The following OCA2 variants were observed in gnomAD, a reference collection of about 807,000 sequenced individuals.
OCA2 encodes P protein.
A neutral mutation model predicts 100.2 loss-of-function variants in OCA2; 77 were observed. That is an observed-to-expected ratio of 0.77 (90% CI 0.64 to 0.93). OCA2 has a LOEUF of 0.93. Ranked by LOEUF, OCA2 falls within the 40% of genes least tolerant of loss-of-function variation. The probability of loss-of-function intolerance (pLI) is 0.00; values close to 1 mark genes in which losing one functional copy is unlikely to be tolerated. For synonymous variants in OCA2, 432 were observed against 439.2 expected (o/e 0.98, Z 0.21); for missense variants, 1,062 against 1,089.1 (o/e 0.98, Z 0.35).
intron 1 of OCA2, among the ~76,000 whole-genome samples, chr15:28,083,142 G>A (rs1298550883): frequency 6.6e-6 from 1 of 152,180 alleles, no homozygotes; most frequent in Non-Finnish European, 1.5e-5. Flanking sequence ...TTCACATACA[G>A]TCTTCACAAT....
chr15:27,824,617 T>TATATATATATATATATATATAATATA (rs1020369750), intron 23 of OCA2, among the ~76,000 whole-genome samples: 1 of 130,112 alleles, frequency 7.7e-6, no homozygotes, highest in African/African-American at 3.0e-5. Context: ...TATATATATA[T>TATATATATATATATATATATAATATA]ATATAATATA....
chr15:27,990,056 A>G (rs918523133), intron 10 of OCA2, among the ~76,000 whole-genome samples: 1 of 151,964 alleles, frequency 6.6e-6, no homozygotes, highest in Non-Finnish European at 1.5e-5. Context: ...CCTCTCAGAC[A>G]ACTCTGGGCC....
intron 9 of OCA2, among the ~76,000 whole-genome samples, chr15:27,994,794 A>G (rs912442086): frequency 1.3e-5 from 2 of 152,142 alleles, no homozygotes; most frequent in Non-Finnish European, 2.9e-5. Flanking sequence ...CAAGGAAATT[A>G]TCTAGGGCAT....
At chr15:27,801,026 C>T (rs2033580559) in intron 23 of OCA2, among the ~76,000 whole-genome samples, 1 of 152,038 alleles carries the variant, frequency 6.6e-6, no homozygotes, top group Non-Finnish European at 1.5e-5. Context: ...AACCCCAGAC[C>T]TCAGGGTTTG....
At chr15:27,842,432 A>G (rs949492161) in intron 23 of OCA2, among the ~76,000 whole-genome samples, 2 of 152,260 alleles carry the variant, frequency 1.3e-5, no homozygotes, top group African/African-American at 4.8e-5. Context: ...TGCAATGTGT[A>G]TCACAGGAAG....
intron 23 of OCA2, among the ~76,000 whole-genome samples, chr15:27,781,722 A>C (rs1470724909): frequency 6.6e-6 from 1 of 152,242 alleles, no homozygotes; most frequent in African/African-American, 2.4e-5. Flanking sequence ...AAATACCAGA[A>C]AGTAAATAGC....
chr15:27,889,464 A>G (rs2037366839), intron 19 of OCA2, among the ~76,000 whole-genome samples: 1 of 152,126 alleles, frequency 6.6e-6, no homozygotes, highest in Non-Finnish European at 1.5e-5. Flanking sequence ...ACATGCCAAA[A>G]GGTATGTCTA....
At chr15:27,814,449 G>A (rs2034199283) in intron 23 of OCA2, among the ~76,000 whole-genome samples, 1 of 152,170 alleles carries the variant, frequency 6.6e-6, no homozygotes, top group South Asian at 2.1e-4. Context: ...TTACAAAACA[G>A]CTTTCAATCA....
At chr15:27,983,721 TG>T (rs912117637) in intron 13 of OCA2, among the ~76,000 whole-genome samples, 1 of 151,824 alleles carries the variant, frequency 6.6e-6, no homozygotes, top group Non-Finnish European at 1.5e-5. Context: ...AAACCCTCGG[TG>T]TGGTCAGGTA....
chr15:27,724,492 C>G, the OCA2 span, among the ~76,000 whole-genome samples: 1 of 152,180 alleles, frequency 6.6e-6, no homozygotes, highest in African/African-American at 2.4e-5. Context: ...AAGACCCTAT[C>G]TCCAAATACT....
At chr15:27,943,427 C>G (rs1477087786) in intron 18 of OCA2, among the ~76,000 whole-genome samples, 1 of 152,126 alleles carries the variant, frequency 6.6e-6, no homozygotes, top group Non-Finnish European at 1.5e-5. Context: ...GCTTCTTTGA[C>G]ACATTTGGAG....
rs114461254 is a variant in OCA2, at chr15:28,017,136, G to A, written c.808-950C>T. Among the ~76,000 whole-genome samples the A allele has an allele frequency of 9.8e-3, 1,485 of 152,242 alleles. 22 individuals are homozygous for A. Among genetic ancestry groups the A allele is most frequent in the African/African-American group, 0.034 (1,408 of 41,528 alleles). ...AAATCACAAAGGACACTGAAAATAG[G>A]ATCTCTGAAACCGGTCAAAGCAAAG... On this transcript the variant is annotated intron_variant, in intron 7 of 23. Transcript: ENST00000354638.
intron 19 of OCA2, among the ~76,000 whole-genome samples, chr15:27,891,425 A>G (rs1459841883): frequency 1.3e-5 from 2 of 152,254 alleles, no homozygotes; most frequent in East Asian, 3.8e-4. Flanking sequence ...GAGAAAATAA[A>G]TACAGTAATC....
chr15:27,812,303 CA>C (rs2034110101), intron 23 of OCA2, among the ~76,000 whole-genome samples: 1 of 152,082 alleles, frequency 6.6e-6, no homozygotes, highest in South Asian at 2.1e-4. Flanking sequence ...AAGTGGTTTC[CA>C]AAAGAAAAAT....
chr15:28,096,821 C>T (rs954154045), intron 1 of OCA2, among the ~76,000 whole-genome samples: 2 of 151,874 alleles, frequency 1.3e-5, no homozygotes, highest in Non-Finnish European at 2.9e-5. Context: ...TGGGCTCTGC[C>T]GAGGGCCGCG....
In OCA2 at chr15:27,878,914, A is replaced by T. The variant is rs182207695; in HGVS notation, c.2080-6992T>A. ...GGAAGTATAGGTTTATTACATAGGTAAATGTGTGCCATGGTAGTTTGCTGC... is the reference window on the plus strand; with the variant it reads ...GGAAGTATAGGTTTATTACATAGGTTAATGTGTGCCATGGTAGTTTGCTGC... On this transcript the variant is annotated intron_variant, in intron 19 of 23. Coordinates refer to ENST00000354638, the MANE Select transcript of OCA2 (RefSeq NM_000275.3). Among the ~76,000 whole-genome samples, 99 of 152,242 alleles carry T rather than the reference A, an allele frequency of 6.5e-4. 1 individual carries two copies. Among genetic ancestry groups the T allele is most frequent in the African/African-American group, 2.2e-3 (92 of 41,554 alleles).
intron 5 of OCA2, among the ~76,000 whole-genome samples, chr15:28,023,749 G>A (rs2042664904): frequency 6.6e-6 from 1 of 152,056 alleles, no homozygotes; most frequent in South Asian, 2.1e-4. Context: ...ACTCCGCAAA[G>A]CACAGGCACA....
intron 23 of OCA2, among the ~76,000 whole-genome samples, chr15:27,803,008 T>C (rs1015463340): frequency 1.3e-5 from 2 of 152,214 alleles, no homozygotes; most frequent in South Asian, 2.1e-4. Context: ...TTGCAAAGTA[T>C]CTATCTTATA....
chr15:27,794,106 G>A (rs776329103), intron 23 of OCA2, among the ~76,000 whole-genome samples: 1 of 152,174 alleles, frequency 6.6e-6, no homozygotes, highest in Non-Finnish European at 1.5e-5. Flanking sequence ...AAGATAAGGT[G>A]TGCCAAAAGC....
Sources: allele counts gnomAD v4.1 joint callset (sites outside exome capture counted in the v4.1 genomes callset), GRCh38; gene constraint gnomAD v4.1.1; transcripts MANE v1.5; gene names NCBI Gene and HGNC (gene_info 2026-07-23, HGNC 2026-07-21).